Variants in DENND2B observed in about 807,000 individuals in gnomAD.
The protein encoded by DENND2B is DENN domain containing 2B.
A neutral mutation model predicts 116.0 loss-of-function variants in DENND2B; 32 were observed. That is an observed-to-expected ratio of 0.28 (90% CI 0.21 to 0.37). The LOEUF is 0.37. DENND2B is among the 10% of genes least tolerant of loss of function. DENND2B has a pLI of 1.00. For missense variants in DENND2B, 1,276 were observed against 1,477.7 expected (o/e 0.86, Z 2.24); for synonymous variants, 588 against 583.9 (o/e 1.01, Z -0.10).
chr11:8,696,755 C>G, intron 17 of DENND2B, 89 bp from the exon 18 acceptor site: 2 of 1,545,992 alleles, frequency 1.3e-6, no homozygotes, highest in South Asian at 1.2e-5. Flanking sequence ...CTCTCCCCAA[C>G]AAGACTTCCA....
At chr11:8,770,955 G>T (rs561287579) in intron 1 of DENND2B, among the ~76,000 whole-genome samples, 1 of 152,274 alleles carries the variant, frequency 6.6e-6, no homozygotes, top group East Asian at 1.9e-4. Context: ...TAGCCTCTCT[G>T]ATAGCACTTA....
At chr11:8,887,819 C>T (rs184787354) in intron 1 of DENND2B, among the ~76,000 whole-genome samples, 3 of 152,184 alleles carry the variant, frequency 2.0e-5, no homozygotes, top group Non-Finnish European at 4.4e-5. Flanking sequence ...CCTCAGATAA[C>T]AATTTGAGCC....
intron 5 of DENND2B, 42 bp downstream of exon 5, chr11:8,717,699 C>T (rs759306449): frequency 1.3e-5 from 20 of 1,491,720 alleles, no homozygotes; most frequent in Non-Finnish European, 1.8e-5. Flanking sequence ...CCCACTGTGG[C>T]CCTCACGCTA....
chr11:8,712,864 G>T lies in DENND2B; in HGVS notation c.1988-129C>A. The T allele has an allele frequency of 1.0e-6, 1 of 969,664 alleles. No individual in the cohort carries two copies. The allele number at this position is 969,664 out of a possible 1,614,324, so 60.1% of individuals were successfully genotyped here. A position where few individuals can be genotyped will look rare whatever the true frequency, so the allele number is the denominator to read the frequency against. On this transcript the variant is annotated intron_variant, in intron 8 of 19. Transcript: ENST00000313726. This position sits in a 1 kb window ranked among gnomAD's most constrained non-coding sequence, Gnocchi z 4.4. ...TGAGCCTAGTCTGATACCATCCCCA[G>T]CTCACAGTGCAGGAGGACCGGCAGG...
rs562726679 is a variant in DENND2B at position 8,736,165 on chromosome 11, C to A, written c.81-4956G>T. Among the ~76,000 whole-genome samples the A allele has an allele frequency of 9.2e-5, 14 of 152,260 alleles. No homozygotes were observed. In the East Asian group the frequency reaches 2.7e-3, roughly 29 times the overall value. On this transcript the variant is annotated intron_variant, in intron 2 of 19. Transcript: ENST00000313726. Reference sequence around the variant, plus strand: ...ATCACCAAGACCACAGTGTGCAACCCCACCAGGCCGGAGATACATTTTGGC... The same window carrying A: ...ATCACCAAGACCACAGTGTGCAACCACACCAGGCCGGAGATACATTTTGGC...
Position 8,823,203 on chromosome 11 carries a change from A to T in DENND2B, c.-114-11868T>A, listed in dbSNP as rs1229560562. Among the ~76,000 whole-genome samples the T allele has an allele frequency of 3.3e-5, 5 of 152,178 alleles. No individual in the cohort carries two copies. In the East Asian group the frequency reaches 9.6e-4, roughly 29 times the overall value. On this transcript the variant is annotated intron_variant, in intron 4 of 6. Coordinates refer to the DENND2B transcript ENST00000524757. Reference sequence around the variant, plus strand: ...ACATATGCACATACATATGGCAAAGAATGTCAGGGACATAATTTATCTGGA... The same window carrying T: ...ACATATGCACATACATATGGCAAAGTATGTCAGGGACATAATTTATCTGGA...
At chr11:8,758,426 G>A (rs1257647408) in intron 1 of DENND2B, among the ~76,000 whole-genome samples, 1 of 152,092 alleles carries the variant, frequency 6.6e-6, no homozygotes, top group Non-Finnish European at 1.5e-5. Flanking sequence ...CCGTCTTCCT[G>A]TATTTTGAAA....
chr11:8,704,922 G>A (rs1224746053), intron 13 of DENND2B, among the ~76,000 whole-genome samples: 2 of 151,502 alleles, frequency 1.3e-5, no homozygotes, highest in African/African-American at 2.4e-5. Flanking sequence ...GGCTGGTCTC[G>A]AACTCCTGAC....
rs1305981927 is a variant in DENND2B at position 8,696,684 on chromosome 11, AT to A, written c.3053-19del. The stretch of plus-strand genomic sequence containing the variant: ...ATTACATTCTGGAAGGGAAAAGACA[AT>A]CTTTGAGGTTCAGGTCAAGAGCCTG... On this transcript the variant is annotated intron_variant, in intron 17 of 19. Transcript: ENST00000313726. The A allele has an allele frequency of 6.2e-7, 1 of 1,612,394 alleles. No homozygotes were observed. The highest frequency in any genetic ancestry group is 8.5e-7 in the Non-Finnish European group (1 of 1,178,668).
chr11:8,715,108 G>C (rs534010001), intron 6 of DENND2B, among the ~76,000 whole-genome samples: 4 of 152,212 alleles, frequency 2.6e-5, no homozygotes, highest in Admixed American at 6.5e-5. Flanking sequence ...CTGGGGCCCC[G>C]ACAGGAAGAA....
intron 1 of DENND2B, among the ~76,000 whole-genome samples, chr11:8,805,999 C>G (rs1026536636): frequency 1.3e-5 from 2 of 152,136 alleles, no homozygotes; most frequent in Admixed American, 6.5e-5. Context: ...AGGGCCTGCA[C>G]GACACTGTCA....
intron 4 of DENND2B, among the ~76,000 whole-genome samples, chr11:8,721,001 T>C (rs1046262150): frequency 3.3e-5 from 5 of 152,128 alleles, no homozygotes; most frequent in African/African-American, 4.8e-5. Context: ...CACAGCTTTC[T>C]TGGGACAGTC....
At chr11:8,805,442 T>C (rs1222485616) in intron 1 of DENND2B, among the ~76,000 whole-genome samples, 1 of 152,216 alleles carries the variant, frequency 6.6e-6, no homozygotes, top group Non-Finnish European at 1.5e-5. Context: ...TAAAAATAGC[T>C]GACTTGATAG....
Position 8,798,176 on chromosome 11 carries a change from C to A in DENND2B, c.-26+12341G>T, listed in dbSNP as rs527586338. Among the ~76,000 whole-genome samples the A allele has an allele frequency of 1.4e-4, 22 of 152,302 alleles. No individual in the cohort carries two copies. The South Asian group carries it at 4.6e-3, about 32-fold the overall frequency. The stretch of plus-strand genomic sequence containing the variant: ...CTGAAATGCTTCCCCACTCACTACA[C>A]GTCAAGCTCCATGACAACAAGGACT... On this transcript the variant is annotated intron_variant, in intron 1 of 19. Transcript: ENST00000313726.
intron 4 of DENND2B, among the ~76,000 whole-genome samples, chr11:8,823,763 G>A (rs999196821): frequency 2.6e-5 from 4 of 152,072 alleles, no homozygotes; most frequent in Non-Finnish European, 5.9e-5. Flanking sequence ...CCCAGTCTTG[G>A]GCAGTTCTTT....
intron 14 of DENND2B, among the ~76,000 whole-genome samples, chr11:8,701,994 C>T (rs2041786119): frequency 6.6e-6 from 1 of 152,112 alleles, no homozygotes; most frequent in Admixed American, 6.5e-5. Flanking sequence ...CCTTCCTCAC[C>T]CACTCTCCTC....
chr11:8,847,297 T>C (rs2062849655), intron 3 of DENND2B, among the ~76,000 whole-genome samples: 2 of 152,214 alleles, frequency 1.3e-5, no homozygotes, highest in Non-Finnish European at 2.9e-5. Context: ...TGGAATTTCG[T>C]TTCCCTTATA....
chr11:8,823,112 G>C (rs2134551651), intron 4 of DENND2B, among the ~76,000 whole-genome samples: 1 of 148,368 alleles, frequency 6.7e-6, no homozygotes, highest in Non-Finnish European at 1.5e-5. Flanking sequence ...GACTTAAAAA[G>C]TAATATCCAT....
intron 4 of DENND2B, among the ~76,000 whole-genome samples, chr11:8,829,105 G>A (rs1445174840): frequency 6.6e-6 from 1 of 151,008 alleles, no homozygotes; most frequent in Non-Finnish European, 1.5e-5. Flanking sequence ...GTGTGGGTAT[G>A]TGGTGTGCTT....
Sources: allele counts gnomAD v4.1 joint callset (sites outside exome capture counted in the v4.1 genomes callset), GRCh38; gene constraint gnomAD v4.1.1; non-coding constraint Gnocchi (gnomAD v3.1); transcripts MANE v1.5; gene names NCBI Gene and HGNC (gene_info 2026-07-23, HGNC 2026-07-21).